MNS1: variants seen among roughly 807,000 people sequenced by gnomAD.
MNS1 encodes meiosis specific nuclear structural 1, also known as meiosis-specific nuclear structural protein 1.
In MNS1, 63 loss-of-function variants were observed where a neutral mutation model predicts 72.0. That is an observed-to-expected ratio of 0.87 (90% CI 0.71 to 1.08). MNS1 has a LOEUF of 1.08. Among genes scored for constraint, MNS1 ranks in the 50% least tolerant of loss-of-function variants. The pLI is 0.00. For missense variants in MNS1, 604 were observed against 562.4 expected, an observed-to-expected ratio of 1.07 and a Z score of -0.75; for synonymous variants, 188 against 172.1, an observed-to-expected ratio of 1.09 and a Z score of -0.72.
chr15:56,465,074 G>A lies in MNS1; in HGVS notation c.-102C>T. On this transcript the variant is annotated 5_prime_UTR_variant, in exon 1 of 10. Coordinates refer to ENST00000260453, the MANE Select transcript of MNS1 (RefSeq NM_018365.4). ...CCAAGGAGCGCACCTGGCTGCGCGC[G>A]CTCGGGTGTTTACGCGGCGTCTTGG... 1 of 1,509,124 alleles carries A rather than the reference G, an allele frequency of 6.6e-7. No homozygotes were observed. Among genetic ancestry groups the A allele is most frequent in the Non-Finnish European group, 9.0e-7 (1 of 1,114,628 alleles). 93.5% of individuals were successfully genotyped at this position (1,509,124 alleles called of 1,614,324 possible).
At chr15:56,456,774 T>C (rs755526739) in intron 2 of MNS1, among the ~76,000 whole-genome samples, 5 of 152,160 alleles carry the variant, frequency 3.3e-5, no homozygotes, top group Non-Finnish European at 5.9e-5. Context: ...TTTTCAAAAA[T>C]TGTCGACATT....
intron 3 of MNS1, among the ~76,000 whole-genome samples, chr15:56,452,973 C>CT (rs1196874425): frequency 1.3e-5 from 2 of 152,240 alleles, no homozygotes; most frequent in African/African-American, 2.4e-5. Flanking sequence ...TATGTTAACT[C>CT]TTTTTTACAT....
Position 56,460,009 on chromosome 15 carries a change from A to AAAAAAAAAATATATATATATATATATAT in MNS1, c.226-3489_226-3488insATATATATATATATATATATTTTTTTTT. ...CTGTCTCAAAAAAAAAAAAAAAAAA[A>AAAAAAAAAATATATATATATATATATAT]ATACATATATATATATATATATATA... On this transcript the variant is annotated intron_variant, in intron 2 of 9. Coordinates refer to ENST00000260453, the MANE Select transcript of MNS1 (RefSeq NM_018365.4). Among the ~76,000 whole-genome samples the AAAAAAAAAATATATATATATATATATAT allele has an allele frequency of 2.7e-4, 7 of 26,366 alleles. 1 individual carries two copies. Among genetic ancestry groups the AAAAAAAAAATATATATATATATATATAT allele is most frequent in the East Asian group, 2.3e-3 (2 of 874 alleles). 17.3% of individuals were successfully genotyped at this position (26,366 alleles called of 152,430 possible). A position where few individuals can be genotyped will look rare whatever the true frequency, so the allele number is the denominator to read the frequency against.
chr15:56,450,937 G>C (rs1482019156), intron 3 of MNS1, among the ~76,000 whole-genome samples: 1 of 152,088 alleles, frequency 6.6e-6, no homozygotes, highest in Non-Finnish European at 1.5e-5. Context: ...TATTAGATGT[G>C]AAACAGTTTC....
rs532777553 is a variant in MNS1, at chr15:56,444,426, AAGTT to A, written c.686+14_686+17del. ...AAAGTAAACATTTAGACATGTAAGA[AAGTT>A]AGGATAAACTTACAACTGATCTTCT... On this transcript the variant is annotated intron_variant, in intron 5 of 9. Coordinates refer to ENST00000260453, the MANE Select transcript of MNS1 (RefSeq NM_018365.4). 4.0e-3 allele frequency: 6,277 copies of A among 1,585,880 alleles called. 24 individuals carry two copies. The highest frequency in any genetic ancestry group is 5.0e-3 in the Non-Finnish European group (5,864 of 1,165,980).
chr15:56,447,029 A>G, intron 3 of MNS1, 86 bp from the exon 4 acceptor site: 1 of 890,390 alleles, frequency 1.1e-6, no homozygotes, highest in Non-Finnish European at 1.7e-6. Flanking sequence ...TGTATTTTTA[A>G]TTTACTCAAA....
chr15:56,455,304 T>G (rs2050974928), intron 3 of MNS1, among the ~76,000 whole-genome samples: 1 of 147,278 alleles, frequency 6.8e-6, no homozygotes, highest in South Asian at 2.1e-4. Flanking sequence ...GTTGGAGAAT[T>G]AGGGCCCAAA....
chr15:56,456,572 T>G (rs749279458), intron 2 of MNS1, 51 bp from the exon 3 acceptor site: 1 of 1,578,958 alleles, frequency 6.3e-7, no homozygotes. Flanking sequence ...CAGATTTTTT[T>G]CATCAAGGTT....
At chr15:56,441,059 C>T (rs531105288) in intron 7 of MNS1, among the ~76,000 whole-genome samples, 10 of 152,166 alleles carry the variant, frequency 6.6e-5, no homozygotes, top group South Asian at 4.2e-4. Flanking sequence ...ATTAACTGCA[C>T]GTCACATATT....
intron 3 of MNS1, among the ~76,000 whole-genome samples, chr15:56,455,249 A>G (rs1471446765): frequency 1.6e-3 from 6 of 3,764 alleles, no homozygotes; most frequent in South Asian, 0.023. Flanking sequence ...CGTCAGGTGA[A>G]AAAAAAAAAA....
chr15:56,434,297 C>A lies in MNS1; in HGVS notation c.1110G>T (p.Glu370Asp). 6.2e-7 allele frequency: 1 copy of A among 1,613,888 alleles called. No individual in the cohort carries two copies. The highest frequency in any genetic ancestry group is 1.1e-5 in the South Asian group (1 of 91,064). The change falls in exon 8 of 10, where the codon GAG becomes GAT. Residue 370 changes from glutamate (E) to aspartate (D), a missense_variant. Coordinates refer to ENST00000260453, the MANE Select transcript of MNS1 (RefSeq NM_018365.4). ...LKELVLQAAK[E>D]EEENFRKTML... Reference sequence around the variant, plus strand: ...TAGTTTTTCTAAAGTTCTCCTCTTCCTCTTTTGCAGCCTGTAGCACTAATT... The same window carrying A: ...TAGTTTTTCTAAAGTTCTCCTCTTCATCTTTTGCAGCCTGTAGCACTAATT...
Position 56,443,557 on chromosome 15 carries a change from A to C in MNS1, c.904-20T>G. 3.8e-6 allele frequency: 6 copies of C among 1,573,590 alleles called. No homozygotes were observed. The highest frequency in any genetic ancestry group is 5.2e-6 in the Non-Finnish European group (6 of 1,164,478). ...TGTCAACTATTAAATTTTTTAAAAA[A>C]CATAAATATTTATAGGATCCAAATT... On this transcript the variant is annotated intron_variant, in intron 6 of 9. Transcript: ENST00000260453.
intron 2 of MNS1, among the ~76,000 whole-genome samples, chr15:56,461,136 G>C (rs181511057): frequency 7.4e-4 from 113 of 152,062 alleles, no homozygotes; most frequent in Non-Finnish European, 5.9e-5. Context: ...TCAACTGATC[G>C]GATGAGGCCC....
chr15:56,431,260 C>T, intron 9 of MNS1, 113 bp downstream of exon 9: 1 of 1,263,504 alleles, frequency 7.9e-7, no homozygotes, highest in South Asian at 1.5e-5. Flanking sequence ...CCCATTGCTG[C>T]TTCATAACCG....
chr15:56,434,051 A>T, intron 8 of MNS1, 87 bp downstream of exon 8: 1 of 1,382,514 alleles, frequency 7.2e-7, no homozygotes. Context: ...TGGCATATAA[A>T]GCTTCTCAGT....
At position 56,428,810 on chromosome 15, in the gene MNS1, G is replaced by T; in HGVS notation, c.*291C>A. ...CACAGACAGAAGGCAGTTCACTTTG[G>T]GGTAGAGTTCTGTATTAGTCAAGGT... is the stretch of plus-strand genomic sequence containing the variant. On this transcript the variant is annotated 3_prime_UTR_variant, in exon 10 of 10. Coordinates refer to ENST00000260453, the MANE Select transcript of MNS1 (RefSeq NM_018365.4). The T allele has an allele frequency of 2.8e-6, 1 of 359,574 alleles. No individual in the cohort carries two copies. The highest frequency in any genetic ancestry group is 5.0e-6 in the Non-Finnish European group (1 of 201,034). 22.3% of individuals were successfully genotyped at this position (359,574 alleles called of 1,614,324 possible).
intron 2 of MNS1, among the ~76,000 whole-genome samples, chr15:56,458,875 A>G (rs2050998356): frequency 6.6e-6 from 1 of 152,202 alleles, no homozygotes; most frequent in African/African-American, 2.4e-5. Flanking sequence ...GGTTGCTTCT[A>G]AATTTTGACA....
intron 7 of MNS1, among the ~76,000 whole-genome samples, chr15:56,435,137 C>G (rs1310026201): frequency 6.6e-6 from 1 of 151,928 alleles, no homozygotes; most frequent in Non-Finnish European, 1.5e-5. Flanking sequence ...TGAGATGCTG[C>G]TAAAGCAGTT....
chr15:56,446,774 T>A (rs1366387572), intron 4 of MNS1, 67 bp downstream of exon 4: 4 of 1,224,134 alleles, frequency 3.3e-6, no homozygotes, highest in East Asian at 2.4e-5. Flanking sequence ...GACAATTTTT[T>A]AAGAAACAAG....
Sources: allele counts gnomAD v4.1 joint callset (sites outside exome capture counted in the v4.1 genomes callset), GRCh38; gene constraint gnomAD v4.1.1; transcripts MANE v1.5; gene names NCBI Gene and HGNC (gene_info 2026-07-23, HGNC 2026-07-21).